Variants in CAGE1 observed in about 807,000 individuals in gnomAD.
CAGE1 encodes the protein cancer antigen 1, also known as cancer-associated gene 1 protein.
A neutral mutation model predicts 94.9 loss-of-function variants in CAGE1; 66 were observed. That is an observed-to-expected ratio of 0.70 (90% CI 0.57 to 0.85). The LOEUF is 0.85. Among genes scored for constraint, CAGE1 ranks in the 40% least tolerant of loss-of-function variants. CAGE1 has a pLI of 0.00. For missense variants in CAGE1, 865 were observed against 950.4 expected, an observed-to-expected ratio of 0.91 and a Z score of 1.18; for synonymous variants, 319 against 321.0, an observed-to-expected ratio of 0.99 and a Z score of 0.07.
intron 11 of CAGE1, among the ~76,000 whole-genome samples, chr6:7,352,690 A>C (rs914632976): frequency 6.6e-6 from 1 of 152,230 alleles, no homozygotes; most frequent in African/African-American, 2.4e-5. Flanking sequence ...CTGGTATAAA[A>C]ATAGGCACAT....
At chr6:7,374,209 G>A (rs1760656579) in intron 4 of CAGE1, 78 bp from the exon 5 acceptor site, 4 of 1,178,754 alleles carry the variant, frequency 3.4e-6, no homozygotes, top group Non-Finnish European at 4.8e-6. Context: ...GGCTGGCCTT[G>A]AATTCTATTA....
intron 3 of CAGE1, among the ~76,000 whole-genome samples, chr6:7,381,598 G>A (rs1475423623): frequency 6.7e-6 from 1 of 149,560 alleles, no homozygotes; most frequent in Non-Finnish European, 1.5e-5. Context: ...GCACGATCTC[G>A]GCTCATTGCA....
At chr6:7,387,863 CAAAAAAAA>C (rs70978962) in intron 1 of CAGE1, among the ~76,000 whole-genome samples, 5 of 108,938 alleles carry the variant, frequency 4.6e-5, no homozygotes, top group East Asian at 2.6e-4. Flanking sequence ...ACTAAAAATA[CAAAAAAAA>C]AAAAAAAAAA....
chr6:7,344,683 G>A (rs1759359205), intron 11 of CAGE1, among the ~76,000 whole-genome samples: 1 of 152,232 alleles, frequency 6.6e-6, no homozygotes, highest in Admixed American at 6.5e-5. Flanking sequence ...GAGCTTCTGA[G>A]TCTGGTGGGA....
At chr6:7,345,906 C>T (rs1346771039) in intron 11 of CAGE1, among the ~76,000 whole-genome samples, 2 of 152,060 alleles carry the variant, frequency 1.3e-5, no homozygotes, top group Non-Finnish European at 2.9e-5. Flanking sequence ...GCCTGGGTGA[C>T]AGAACGAGAG....
In CAGE1 at chr6:7,339,330, G is replaced by A; in HGVS notation, c.2370-5240C>T. 1 of 1,602,892 alleles carries A rather than the reference G, an allele frequency of 6.2e-7. No homozygotes were observed. The highest frequency in any genetic ancestry group is 8.5e-7 in the Non-Finnish European group (1 of 1,170,360). On this transcript the variant is annotated intron_variant, in intron 11 of 13. Transcript: ENST00000502583. This position sits in a 1 kb window ranked among gnomAD's most constrained non-coding sequence, Gnocchi z 4.7. ...AGCATAAAGCTCTACACTGCCCTCT[G>A]GAGAGCCAAACCTCTTCTGAACTAC...
intron 9 of CAGE1, among the ~76,000 whole-genome samples, chr6:7,364,415 G>C (rs910544718): frequency 6.6e-6 from 1 of 151,972 alleles, no homozygotes. Context: ...TAGCTCCTTA[G>C]TGATTAGCTT....
At chr6:7,344,906 G>A (rs919622341) in intron 11 of CAGE1, among the ~76,000 whole-genome samples, 2 of 152,176 alleles carry the variant, frequency 1.3e-5, no homozygotes, top group Non-Finnish European at 1.5e-5. Flanking sequence ...TGGTGGGGAC[G>A]TGCAGAACCT....
At chr6:7,386,540 A>C (rs1159069163) in intron 2 of CAGE1, among the ~76,000 whole-genome samples, 1 of 152,176 alleles carries the variant, frequency 6.6e-6, no homozygotes. Context: ...CCTGCCTCTG[A>C]CTGAATTGGT....
chr6:7,341,779 G>A (rs1759187400), intron 11 of CAGE1: 5 of 686,190 alleles, frequency 7.3e-6, no homozygotes, highest in Admixed American at 7.1e-5. Context: ...AGAGAAGACA[G>A]AGCAGCAGCC....
chr6:7,338,017 T>C (rs867779329), intron 11 of CAGE1, among the ~76,000 whole-genome samples: 1 of 152,258 alleles, frequency 6.6e-6, no homozygotes. Context: ...TAATTTTTAG[T>C]ATATGAGTCT....
At position 7,389,738 on chromosome 6, in the gene CAGE1, G is replaced by C; in HGVS notation, c.-560C>G. 1.8e-6 allele frequency: 1 copy of C among 569,030 alleles called. No homozygotes were observed. Among genetic ancestry groups the C allele is most frequent in the Non-Finnish European group, 3.1e-6 (1 of 317,698 alleles). The allele number at this position is 569,030 out of a possible 1,614,324, so 35.2% of individuals were successfully genotyped here. A position where few individuals can be genotyped will look rare whatever the true frequency, so the allele number is the denominator to read the frequency against. On this transcript the variant is annotated 5_prime_UTR_variant, in exon 1 of 14. Coordinates refer to ENST00000502583, the MANE Select transcript of CAGE1 (RefSeq NM_001170692.2). The stretch of plus-strand genomic sequence containing the variant: ...CCCTATACAGCGCGCCATCCAGAGA[G>C]CTCCGGACTCCCAGCTCGGCGCAGG...
intron 11 of CAGE1, among the ~76,000 whole-genome samples, chr6:7,352,195 C>T (rs1489604215): frequency 6.9e-6 from 1 of 144,182 alleles, no homozygotes; most frequent in East Asian, 2.1e-4. Context: ...TTTCCTGATA[C>T]AAGATAAATG....
At chr6:7,345,069 G>A (rs561679584) in intron 11 of CAGE1, among the ~76,000 whole-genome samples, 5 of 151,844 alleles carry the variant, frequency 3.3e-5, no homozygotes, top group African/African-American at 7.3e-5. Context: ...GGTGTTGAAA[G>A]CTTTGTTCTT....
chr6:7,331,334 C>T (rs1244342102), intron 12 of CAGE1: 41 of 1,055,046 alleles, frequency 3.9e-5, no homozygotes, highest in Non-Finnish European at 3.4e-5. Flanking sequence ...AAAAGAGACC[C>T]GTAAGTCTGG....
intron 6 of CAGE1, 89 bp downstream of exon 6, chr6:7,369,830 A>T: frequency 7.8e-7 from 1 of 1,275,732 alleles, no homozygotes; most frequent in East Asian, 2.6e-5. Flanking sequence ...CTTCTTCCAC[A>T]ACTTAATTCC....
intron 3 of CAGE1, among the ~76,000 whole-genome samples, chr6:7,379,742 T>A (rs772561487): frequency 1.3e-5 from 2 of 152,186 alleles, no homozygotes; most frequent in African/African-American, 2.4e-5. Flanking sequence ...TACTACTGAT[T>A]TATGTATCCT....
chr6:7,370,059 T>C lies in CAGE1; in HGVS notation c.1753A>G (p.Lys585Glu), dbSNP rs752641885. ...GGGAGCAGATTAGAATGTGTCGTTT[T>C]TGTATCCTACATGCACGTAATTCAG... ...VLKSDITKDT[K>E]TTHSNLLPDC... The change falls in exon 6 of 14, where the codon AAA becomes GAA. Residue 585 changes from lysine to glutamate, a missense_variant. Transcript: ENST00000502583. The C allele has an allele frequency of 3.1e-6, 5 of 1,602,982 alleles. No individual in the cohort carries two copies. The Admixed American group carries it at 8.7e-5, about 28-fold the overall frequency.
rs1173665643 is a variant in CAGE1, at chr6:7,389,735, A to G, written c.-557T>C. On this transcript the variant is annotated 5_prime_UTR_variant, in exon 1 of 14. Transcript: ENST00000502583. The stretch of plus-strand genomic sequence containing the variant: ...CAGCCCTATACAGCGCGCCATCCAG[A>G]GAGCTCCGGACTCCCAGCTCGGCGC... The G allele has an allele frequency of 2.1e-5, 12 of 565,940 alleles. No individual in the cohort carries two copies. The highest frequency in any genetic ancestry group is 3.2e-5 in the Non-Finnish European group (10 of 315,920). The allele number at this position is 565,940 out of a possible 1,614,324, so 35.1% of individuals were successfully genotyped here.
Sources: gnomAD v4.1 joint callset for allele counts (sites outside exome capture counted in the v4.1 genomes callset) on GRCh38, gnomAD v4.1.1 for gene constraint, Gnocchi (gnomAD v3.1) non-coding constraint, MANE v1.5 for transcripts, NCBI Gene and HGNC (gene_info 2026-07-23, HGNC 2026-07-21) for gene names.